ABCC11: variants seen among roughly 807,000 people sequenced by gnomAD.
ABCC11 encodes the protein ATP-binding cassette sub-family C member 11.
In ABCC11, 135 loss-of-function variants were observed where a neutral mutation model predicts 149.3. That is an observed-to-expected ratio of 0.90 (90% confidence interval 0.79 to 1.04). The LOEUF is 1.04. Among genes scored for constraint, ABCC11 ranks in the 50% least tolerant of loss-of-function variants. The probability of loss-of-function intolerance (pLI) is 0.00; values close to 1 mark genes in which losing one functional copy is unlikely to be tolerated. For missense variants in ABCC11, 1,680 were observed against 1,722.1 expected (o/e 0.98, Z 0.43); for synonymous variants, 665 against 671.4 (o/e 0.99, Z 0.15).
chr16:48,213,331 C>G lies in ABCC11; in HGVS notation c.1356+112G>C. The G allele has an allele frequency of 5.7e-6, 5 of 874,486 alleles. No homozygotes were observed. In the South Asian group the frequency reaches 8.1e-5, roughly 14 times the overall value. The allele number at this position is 874,486 out of a possible 1,614,324, so 54.2% of individuals were successfully genotyped here. A position where few individuals can be genotyped will look rare whatever the true frequency, so the allele number is the denominator to read the frequency against. Reference sequence around the variant, plus strand: ...AGGAGGTCACTGAGTTAGCTAATCCCTCTCTCGACCTAGGCCTTGGCCAGG... The same window carrying G: ...AGGAGGTCACTGAGTTAGCTAATCCGTCTCTCGACCTAGGCCTTGGCCAGG... On this transcript the variant is annotated intron_variant, in intron 10 of 29. Transcript: ENST00000356608.
chr16:48,213,010 C>T (rs1416437810), intron 10 of ABCC11, among the ~76,000 whole-genome samples: 4 of 152,216 alleles, frequency 2.6e-5, no homozygotes, highest in African/African-American at 7.2e-5. Context: ...GCCTCAACTC[C>T]AGCGGCTTGT....
intron 23 of ABCC11, among the ~76,000 whole-genome samples, chr16:48,180,169 C>G (rs1173008322): frequency 1.3e-5 from 2 of 152,360 alleles, no homozygotes; most frequent in African/African-American, 4.8e-5. Context: ...CTTGCCAGAG[C>G]TTGGTTTAGG....
At chr16:48,241,836 A>C (rs867881559) in intron 1 of ABCC11, among the ~76,000 whole-genome samples, 49 of 152,354 alleles carry the variant, frequency 3.2e-4, no homozygotes, top group Admixed American at 2.0e-3. Flanking sequence ...AAAACTGGCT[A>C]GCCATATGTA....
chr16:48,216,230 G>A lies in ABCC11; in HGVS notation c.835C>T (p.Pro279Ser). ...GATGCGCAGGTGATCAGTACTAGGG[G>A]TCCATAGCACACCCCTTCAAACAGG... ...NYLFEGVCYG[P>S]LVLITCASLV... Residue 279 changes from proline (P) to serine (S), a missense_variant, in exon 7 of 30, where the codon CCC becomes TCC. Physicochemically the swap from Pro to Ser is moderately conservative, Grantham distance 74. Transcript: ENST00000356608. The A allele has an allele frequency of 6.2e-7, 1 of 1,614,110 alleles. No homozygotes were observed. The highest frequency in any genetic ancestry group is 8.5e-7 in the Non-Finnish European group (1 of 1,180,004).
chr16:48,203,674 C>T (rs1669169883), intron 13 of ABCC11, among the ~76,000 whole-genome samples: 1 of 152,136 alleles, frequency 6.6e-6, no homozygotes, highest in Non-Finnish European at 1.5e-5. Flanking sequence ...TCGAGACCAG[C>T]TTGGCTAACA....
intron 20 of ABCC11, among the ~76,000 whole-genome samples, chr16:48,188,554 G>A (rs899323548): frequency 1.3e-5 from 2 of 152,194 alleles, no homozygotes; most frequent in African/African-American, 4.8e-5. Flanking sequence ...TGGCCATGAG[G>A]CCTTTCGGAG....
rs1230908025 is a variant in ABCC11, at chr16:48,167,194, C to G, written c.*80G>C. The G allele has an allele frequency of 1.4e-6, 1 of 695,958 alleles. No homozygotes were observed. Among genetic ancestry groups the G allele is most frequent in the East Asian group, 2.9e-5 (1 of 35,046 alleles). 43.1% of individuals were successfully genotyped at this position (695,958 alleles called of 1,614,324 possible). On this transcript the variant is annotated 3_prime_UTR_variant, in exon 30 of 30. Transcript: ENST00000356608. ...AGTTCTCATCTCCAAACAAGAAGGT[C>G]GCAGACTGTGGGCCTCGAAGCTGCA...
chr16:48,181,004 G>C (rs1173378609), intron 23 of ABCC11, among the ~76,000 whole-genome samples: 1 of 152,196 alleles, frequency 6.6e-6, no homozygotes, highest in Non-Finnish European at 1.5e-5. Flanking sequence ...AACAACCTTT[G>C]AGCAACCGCC....
intron 22 of ABCC11, 56 bp from the exon 23 acceptor site, chr16:48,184,682 C>T (rs562289955): frequency 5.1e-5 from 80 of 1,555,826 alleles, no homozygotes; most frequent in Admixed American, 1.4e-4. Context: ...AGGGTCTCCC[C>T]GGGTCAGGGT....
chr16:48,215,471 G>C, intron 7 of ABCC11, 127 bp from the exon 8 acceptor site: 3 of 1,122,816 alleles, frequency 2.7e-6, no homozygotes, highest in Non-Finnish European at 3.7e-6. Flanking sequence ...TCCAATCAAA[G>C]CTCTCCAGGC....
chr16:48,196,397 G>T (rs1224385972), intron 17 of ABCC11, 76 bp from the exon 18 acceptor site: 6 of 1,404,910 alleles, frequency 4.3e-6, no homozygotes, highest in African/African-American at 4.3e-5. Context: ...CTCTGGCTTC[G>T]ATCCTGTGCC....
At chr16:48,179,863 A>G (rs1966317361) in intron 23 of ABCC11, among the ~76,000 whole-genome samples, 1 of 152,240 alleles carries the variant, frequency 6.6e-6, no homozygotes, top group Non-Finnish European at 1.5e-5. Flanking sequence ...AAGCCCTGAA[A>G]GCAGCAAATT....
chr16:48,194,054 G>T, intron 18 of ABCC11, 72 bp from the exon 19 acceptor site: 1 of 1,122,958 alleles, frequency 8.9e-7, no homozygotes, highest in Non-Finnish European at 1.3e-6. Context: ...CAGCTGCTCG[G>T]CCATCTCTGT....
intron 1 of ABCC11, chr16:48,244,478 C>G: frequency 6.2e-7 from 1 of 1,600,214 alleles, no homozygotes; most frequent in Non-Finnish European, 8.5e-7. Context: ...CCACCATGCG[C>G]ACCAGCGTGG....
At chr16:48,182,486 C>G (rs1343093731) in intron 23 of ABCC11, among the ~76,000 whole-genome samples, 1 of 152,152 alleles carries the variant, frequency 6.6e-6, no homozygotes, top group Non-Finnish European at 1.5e-5. Context: ...TGGTTAAGAA[C>G]ATGTAGTTTG....
At position 48,222,819 on chromosome 16, in the gene ABCC11, G is replaced by A; in HGVS notation, c.556C>T (p.Pro186Ser). The change falls in exon 6 of 30, where the codon CCA (proline) becomes TCA (serine). Residue 186 changes from proline (P) to serine (S), a missense_variant. By Grantham distance (74) the Pro-to-Ser change is moderately conservative (BLOSUM62 -1). Transcript: ENST00000356608. ...TCTTCTGAATATTCCAGGATCTTTG[G>A]TATAATCAATATCTACAAGGAAATG... is the stretch of plus-strand genomic sequence containing the variant. ...ASVLGPILII[P>S]KILEYSEEQL... is the part of the protein sequence containing the mutation. 4 of 1,612,860 alleles carry A rather than the reference G, an allele frequency of 2.5e-6. No homozygotes were observed. Among genetic ancestry groups the A allele is most frequent in the Non-Finnish European group, 2.5e-6 (3 of 1,178,834 alleles).
At chr16:48,197,636 C>T (rs1247811389) in intron 17 of ABCC11, among the ~76,000 whole-genome samples, 2 of 152,210 alleles carry the variant, frequency 1.3e-5, no homozygotes, top group African/African-American at 2.4e-5. Context: ...AATATTTACT[C>T]TCTTGCAGTG....
chr16:48,203,330 G>A (rs1282622445), intron 13 of ABCC11, 30 bp from the exon 14 acceptor site: 9 of 1,544,186 alleles, frequency 5.8e-6, no homozygotes, highest in Non-Finnish European at 7.9e-6. Context: ...ATAAGGCACA[G>A]GGGACCAGCC....
At position 48,211,176 on chromosome 16, in the gene ABCC11, A is replaced by G. The variant is rs777142560; in HGVS notation, c.1380T>C (p.Pro460=). 3.1e-6 allele frequency: 5 copies of G among 1,614,054 alleles called. No homozygotes were observed. In the African/African-American group the frequency reaches 5.3e-5, roughly 17 times the overall value. Residue 460 remains proline, a synonymous_variant, in exon 11 of 30, where the codon CCT becomes CCC. Coordinates refer to ENST00000356608, the MANE Select transcript of ABCC11 (RefSeq NM_001370497.1). ...RFKKFFLQES[P]VFYVQTLQDP... ...CTTGTAATGTCTGGACATAGAAAAC[A>G]GGGCTCTCCTGGAGGAAAAACTTCT...
Sources: allele counts gnomAD v4.1 joint callset (sites outside exome capture counted in the v4.1 genomes callset), GRCh38; gene constraint gnomAD v4.1.1; transcripts MANE v1.5; gene names NCBI Gene and HGNC (gene_info 2026-07-23, HGNC 2026-07-21).